RPA1: variants seen among roughly 807,000 people sequenced by gnomAD.
RPA1 encodes the protein replication protein A 70 kDa DNA-binding subunit.
RPA1 carries 49 observed loss-of-function variants against 83.0 expected under a neutral mutation model. That is an observed-to-expected ratio of 0.59 (90% CI 0.47 to 0.75). The LOEUF (loss-of-function observed/expected upper bound fraction) is 0.75, where lower values mean the gene tolerates loss of function less well. Among genes scored for constraint, RPA1 ranks in the 30% least tolerant of loss-of-function variants. The probability of loss-of-function intolerance (pLI) is 0.00; values close to 1 mark genes in which losing one functional copy is unlikely to be tolerated. For missense variants in RPA1, 693 were observed against 776.1 expected (o/e 0.89, Z 1.27); for synonymous variants, 279 against 281.8 (o/e 0.99, Z 0.10).
chr17:1,896,053 A>G (rs1473065241), intron 16 of RPA1, among the ~76,000 whole-genome samples: 1 of 152,168 alleles, frequency 6.6e-6, no homozygotes, highest in Non-Finnish European at 1.5e-5. Flanking sequence ...CTTTACGTGG[A>G]ACATCTCACT....
chr17:1,867,434 C>G (rs569483179), intron 5 of RPA1, among the ~76,000 whole-genome samples: 178 of 152,164 alleles, frequency 1.2e-3, no homozygotes, highest in African/African-American at 4.2e-3. Context: ...GGGCTGGGCT[C>G]AGTGGCTCAT....
chr17:1,853,008 A>G lies in RPA1; in HGVS notation c.273-93A>G. 4.3e-6 allele frequency: 4 copies of G among 925,096 alleles called. No homozygotes were observed. In the South Asian group the frequency reaches 5.6e-5, roughly 13 times the overall value. 57.3% of individuals were successfully genotyped at this position (925,096 alleles called of 1,614,324 possible). A position where few individuals can be genotyped will look rare whatever the true frequency, so the allele number is the denominator to read the frequency against. On this transcript the variant is annotated intron_variant, in intron 4 of 16. Coordinates refer to ENST00000254719, the MANE Select transcript of RPA1 (RefSeq NM_002945.5). Reference sequence around the variant, plus strand: ...ACAGATGACAAATGGAAAATAGTTCATCACAATGATCATCGGGGAAAGCAT... The same window carrying G: ...ACAGATGACAAATGGAAAATAGTTCGTCACAATGATCATCGGGGAAAGCAT...
intron 14 of RPA1, 44 bp downstream of exon 14, chr17:1,888,895 G>C: frequency 6.3e-7 from 1 of 1,582,150 alleles, no homozygotes; most frequent in South Asian, 1.1e-5. Flanking sequence ...TGTTCACGGA[G>C]GCCCTCCCGT....
At chr17:1,861,455 CTG>C (rs1426185967) in intron 5 of RPA1, among the ~76,000 whole-genome samples, 2 of 152,182 alleles carry the variant, frequency 1.3e-5, no homozygotes, top group Non-Finnish European at 2.9e-5. Context: ...AACCTGGTCT[CTG>C]TTGCTCCATT....
intron 13 of RPA1, among the ~76,000 whole-genome samples, chr17:1,887,299 T>C (rs1173654251): frequency 2.0e-5 from 3 of 152,098 alleles, no homozygotes; most frequent in African/African-American, 7.2e-5. Flanking sequence ...GGCTCATTCC[T>C]GTAATCCCAG....
chr17:1,830,149 G>A lies in RPA1; in HGVS notation c.33+23G>A, dbSNP rs1034051588. ...GCGGTGAGGAGGTGCCGGGGGCTGGGCCGGCGGTCCGGGGTGGCTGCGGCC... is the reference window on the plus strand; with the variant it reads ...GCGGTGAGGAGGTGCCGGGGGCTGGACCGGCGGTCCGGGGTGGCTGCGGCC... On this transcript the variant is annotated intron_variant, in intron 1 of 16. Transcript: ENST00000254719. The A allele has an allele frequency of 1.5e-5, 19 of 1,241,670 alleles. No homozygotes were observed. The African/African-American group carries it at 2.8e-4, about 18-fold the overall frequency. 76.9% of individuals were successfully genotyped at this position (1,241,670 alleles called of 1,614,324 possible).
chr17:1,897,352 G>T lies in RPA1; in HGVS notation c.*177G>T, dbSNP rs1043269622. ...CCCATCGGTAGGCAAAGGAAAATAC[G>T]CTCAGGTGGTTGTGGTGTAGACTGT... is the stretch of plus-strand genomic sequence containing the variant. On this transcript the variant is annotated 3_prime_UTR_variant, in exon 17 of 17. Transcript: ENST00000254719. 1 of 578,552 alleles carries T rather than the reference G, an allele frequency of 1.7e-6. No homozygotes were observed. The highest frequency in any genetic ancestry group is 2.1e-5 in the South Asian group (1 of 48,576). 35.8% of individuals were successfully genotyped at this position (578,552 alleles called of 1,614,324 possible).
At chr17:1,891,774 T>C in intron 14 of RPA1, 59 bp from the exon 15 acceptor site, 1 of 1,146,092 alleles carries the variant, frequency 8.7e-7, no homozygotes. Flanking sequence ...TCTCCCCATC[T>C]TCTCAGTGTG....
rs1266717484 is a variant in RPA1, at chr17:1,893,280, CTG to C, written c.1659+1342_1659+1343del. Among the ~76,000 whole-genome samples, 3 of 152,200 alleles carry C rather than the reference CTG, an allele frequency of 2.0e-5. No homozygotes were observed. In the East Asian group the frequency reaches 5.8e-4, roughly 29 times the overall value. ...ATTTTTATGAGCTTATTATATTTGA[CTG>C]TTTTTTCTGCCGGTGAATGAGGACA... is the stretch of plus-strand genomic sequence containing the variant. On this transcript the variant is annotated intron_variant, in intron 15 of 16. Coordinates refer to ENST00000254719, the MANE Select transcript of RPA1 (RefSeq NM_002945.5).
At chr17:1,835,844 C>T (rs745976920) in intron 1 of RPA1, among the ~76,000 whole-genome samples, 14 of 152,190 alleles carry the variant, frequency 9.2e-5, no homozygotes, top group Middle Eastern at 6.8e-3. Flanking sequence ...TGTTCATGGC[C>T]GGGCATGGTG....
intron 2 of RPA1, 127 bp from the exon 3 acceptor site, chr17:1,843,793 G>A: frequency 3.1e-6 from 2 of 647,594 alleles, no homozygotes; most frequent in Non-Finnish European, 5.5e-6. Flanking sequence ...TTGGATTTAA[G>A]TGTCAAGAGA....
intron 4 of RPA1, 97 bp from the exon 5 acceptor site, chr17:1,853,004 G>A (rs1597430496): frequency 4.5e-6 from 4 of 891,034 alleles, no homozygotes. Flanking sequence ...ATGGAAAATA[G>A]TTCATCACAA....
chr17:1,895,138 C>A, intron 16 of RPA1, 43 bp downstream of exon 16: 1 of 1,483,774 alleles, frequency 6.7e-7, no homozygotes, highest in Non-Finnish European at 9.4e-7. Context: ...TGGGGAGGTG[C>A]TGTTTGTCAC....
At chr17:1,867,167 G>T (rs1025818941) in intron 5 of RPA1, among the ~76,000 whole-genome samples, 1 of 123,312 alleles carries the variant, frequency 8.1e-6, no homozygotes, top group South Asian at 2.7e-4. Context: ...TTTTTTTGCA[G>T]TAGTAACGTT....
chr17:1,879,565 A>G lies in RPA1; in HGVS notation c.958A>G (p.Ile320Val), dbSNP rs777886740. The G allele has an allele frequency of 1.2e-5, 19 of 1,614,104 alleles. No homozygotes were observed. The highest frequency in any genetic ancestry group is 3.3e-4 in the Middle Eastern group (2 of 6,084). Reference sequence around the variant, plus strand: ...AACACGTGCATGTGTTTTAGACATCATCGGGATCTGCAAGAGCTATGAAGA... The same window carrying G: ...AACACGTGCATGTGTTTTAGACATCGTCGGGATCTGCAAGAGCTATGAAGA... ...NKSKDSLVDIIGICKSYEDAT... is the reference protein window; with the variant it reads ...NKSKDSLVDIVGICKSYEDAT... The change falls in exon 11 of 17, where the codon ATC becomes GTC. Residue 320 changes from isoleucine (I) to valine (V), a missense_variant. Physicochemically the swap from Ile to Val is conservative, Grantham distance 29. Transcript: ENST00000254719.
At chr17:1,888,236 A>C (rs1914066625) in intron 13 of RPA1, among the ~76,000 whole-genome samples, 1 of 152,132 alleles carries the variant, frequency 6.6e-6, no homozygotes, top group Admixed American at 6.5e-5. Flanking sequence ...CCGTGTTTTG[A>C]GCGCGGGAGG....
intron 4 of RPA1, among the ~76,000 whole-genome samples, chr17:1,850,087 A>C (rs1421254334): frequency 6.6e-6 from 1 of 151,388 alleles, no homozygotes; most frequent in African/African-American, 2.4e-5. Flanking sequence ...CAGGAGAATC[A>C]CTTGAACCCG....
rs576457905 is a variant in RPA1 at position 1,837,273 on chromosome 17, T to C, written c.34-5530T>C. The stretch of plus-strand genomic sequence containing the variant: ...CACAAGCCACCACTGTGGACCAAAA[T>C]GGTTTTTGAGATTTACCCATGTTAA... On this transcript the variant is annotated intron_variant, in intron 1 of 16. Transcript: ENST00000254719. Among the ~76,000 whole-genome samples the C allele has an allele frequency of 1.5e-3, 231 of 152,314 alleles. 1 individual carries two copies. Among genetic ancestry groups the C allele is most frequent in the African/African-American group, 5.4e-3 (226 of 41,578 alleles).
intron 5 of RPA1, chr17:1,857,942 A>G (rs1482201919): frequency 6.4e-7 from 1 of 1,563,616 alleles, no homozygotes. Context: ...CTAAACAAAT[A>G]AGGAGAACTT....
Sources: allele counts gnomAD v4.1 joint callset (sites outside exome capture counted in the v4.1 genomes callset), GRCh38; gene constraint gnomAD v4.1.1; transcripts MANE v1.5; gene names NCBI Gene and HGNC (gene_info 2026-07-23, HGNC 2026-07-21).